WDR3: variants seen among roughly 807,000 people sequenced by gnomAD.
WDR3 encodes the protein WD repeat-containing protein 3.
In WDR3, 81 loss-of-function variants were observed where a neutral mutation model predicts 123.7. That is an observed-to-expected ratio of 0.65 (90% CI 0.55 to 0.79). The LOEUF (loss-of-function observed/expected upper bound fraction) is 0.79, where lower values mean the gene tolerates loss of function less well. Among genes scored for constraint, WDR3 ranks in the 30% least tolerant of loss-of-function variants. The pLI is 0.00. For missense variants in WDR3, 1,027 were observed against 1,123.2 expected (o/e 0.91, Z 1.22); for synonymous variants, 390 against 388.8 (o/e 1.00, Z -0.04).
chr1:117,931,611 A>G (rs532052972), intron 1 of WDR3, among the ~76,000 whole-genome samples: 2 of 152,308 alleles, frequency 1.3e-5, no homozygotes, highest in Admixed American at 1.3e-4. Flanking sequence ...AAAGGACTGG[A>G]AATAGACAGA....
At position 117,964,459 on chromosome 1, in the gene WDR3, G is replaced by GTT. The variant is rs1653554823; in HGVS notation, c.*5012_*5013insTT. ...TTGCATCTAATAACCTGTGTGGAGA[G>GTT]GGTAAGGGCACTTGATTTAGTTACC... is the stretch of plus-strand genomic sequence containing the variant. On this transcript the variant is annotated 3_prime_UTR_variant, in exon 27 of 27. Transcript: ENST00000349139. 2.0e-5 allele frequency: 3 copies of GTT among 152,056 alleles called. No individual in the cohort carries two copies. The South Asian group carries it at 6.2e-4, about 32-fold the overall frequency. The allele number at this position is 152,056 out of a possible 1,614,324, so 9.4% of individuals were successfully genotyped here.
In WDR3 at chr1:117,950,089, C is replaced by T. The variant is rs1571019896; in HGVS notation, c.1705C>T (p.Leu569=). The change falls in exon 15 of 27, where the codon CTG becomes TTG. Residue 569 remains leucine, a synonymous_variant. Transcript: ENST00000349139. ...TCAAAAGCTATTGGCTGTGTCTTTG[C>T]TGGACTGTACTGTGAAAATTTTCTA... The part of the protein sequence containing the change: ...PNQKLLAVSL[L]DCTVKIFYVD... 1.9e-6 allele frequency: 3 copies of T among 1,613,760 alleles called. No homozygotes were observed. In the East Asian group the frequency reaches 6.7e-5, roughly 36 times the overall value.
At chr1:117,948,577 T>A in intron 13 of WDR3, 71 bp downstream of exon 13, 2 of 1,125,500 alleles carry the variant, frequency 1.8e-6, no homozygotes, top group Non-Finnish European at 2.5e-6. Flanking sequence ...AGGGTTTCTT[T>A]AAAGAAAGCC....
chr1:117,959,255 G>T (rs1652677893), intron 26 of WDR3, 37 bp from the exon 27 acceptor site: 1 of 1,593,092 alleles, frequency 6.3e-7, no homozygotes, highest in Non-Finnish European at 8.5e-7. Context: ...ATTGAAGTGG[G>T]AGAAAATTTT....
Position 117,950,802 on chromosome 1 carries a change from AC to A in WDR3, c.1747-31del, listed in dbSNP as rs113348470. 2.1e-3 allele frequency: 3,264 copies of A among 1,565,496 alleles called. 62 individuals carry two copies. In the African/African-American group the frequency reaches 0.04, roughly 19 times the overall value. ...AATAAATTATACCCATATTTTATAG[AC>A]AGACATTAATTATGTTTTTTTGATG... On this transcript the variant is annotated intron_variant, in intron 15 of 26. Coordinates refer to ENST00000349139, the MANE Select transcript of WDR3 (RefSeq NM_006784.3).
At position 117,939,526 on chromosome 1, in the gene WDR3, C is replaced by T. The variant is rs34973445; in HGVS notation, c.629C>T (p.Ala210Val). ...GAAGAAAAGCGACTCATCACTGGGG[C>T]CTCAGACAGTGAACTGAGGGTATGG... Reference protein sequence around the residue: ...LSEEKRLITGASDSELRVWDI... With the variant: ...LSEEKRLITGVSDSELRVWDI... The change falls in exon 6 of 27, where the codon GCC (alanine) becomes GTC (valine). Residue 210 changes from alanine to valine, a missense_variant. Physicochemically the swap from Ala to Val is moderately conservative, Grantham distance 64 (BLOSUM62 0). Coordinates refer to ENST00000349139, the MANE Select transcript of WDR3 (RefSeq NM_006784.3). 0.075 allele frequency: 121,138 copies of T among 1,613,172 alleles called. 5,398 individuals are homozygous for T. The highest frequency in any genetic ancestry group is 0.087 in the Non-Finnish European group (103,182 of 1,179,288).
In WDR3 at chr1:117,966,390, A is replaced by C. The variant is rs1653850518; in HGVS notation, c.*6943A>C. 2.5e-6 allele frequency: 1 copy of C among 395,738 alleles called. No homozygotes were observed. Among genetic ancestry groups the C allele is most frequent in the Non-Finnish European group, 4.4e-6 (1 of 225,064 alleles). The allele number at this position is 395,738 out of a possible 1,614,324, so 24.5% of individuals were successfully genotyped here. On this transcript the variant is annotated 3_prime_UTR_variant, in exon 27 of 27. Transcript: ENST00000349139. ...TAGCCAATAACATTTACATTTATTCAATCTGAAGTTACTGCACATATACTA... is the reference window on the plus strand; with the variant it reads ...TAGCCAATAACATTTACATTTATTCCATCTGAAGTTACTGCACATATACTA...
chr1:117,963,539 A>G lies in WDR3; in HGVS notation c.*4092A>G. 2 of 194,196 alleles carry G rather than the reference A, an allele frequency of 1.0e-5. No homozygotes were observed. Among genetic ancestry groups the G allele is most frequent in the Non-Finnish European group, 2.1e-5 (2 of 93,216 alleles). The allele number at this position is 194,196 out of a possible 1,614,324, so 12.0% of individuals were successfully genotyped here. On this transcript the variant is annotated 3_prime_UTR_variant, in exon 27 of 27. Transcript: ENST00000349139. ...CCACCACACTTGGCTGATTTTTTCT[A>G]TTGTTTAGTAGAGACGGGGTTTCAC...
intron 1 of WDR3, among the ~76,000 whole-genome samples, chr1:117,931,161 T>C (rs553627875): frequency 6.6e-6 from 1 of 152,322 alleles, no homozygotes; most frequent in East Asian, 1.9e-4. Context: ...TCTGAAACTC[T>C]TGACTCCTAG....
chr1:117,956,567 C>T (rs1652227234), intron 24 of WDR3, among the ~76,000 whole-genome samples: 1 of 152,124 alleles, frequency 6.6e-6, no homozygotes, highest in Admixed American at 6.5e-5. Flanking sequence ...GGTTTGTAAT[C>T]CCATTTGATA....
At chr1:117,953,600 A>T in intron 21 of WDR3, 59 bp downstream of exon 21, 1 of 1,571,040 alleles carries the variant, frequency 6.4e-7, no homozygotes, top group Admixed American at 1.8e-5. Context: ...TTTTTAGTAA[A>T]AGTTTTATTC....
chr1:117,955,120 C>T, intron 23 of WDR3, 195 bp from the exon 24 acceptor site: 2 of 473,372 alleles, frequency 4.2e-6, no homozygotes, highest in Non-Finnish European at 3.7e-6. Flanking sequence ...TGACTTGTAG[C>T]ATAGTTGGTA....
At position 117,963,740 on chromosome 1, in the gene WDR3, G is replaced by T. The variant is rs1405741424; in HGVS notation, c.*4293G>T. On this transcript the variant is annotated 3_prime_UTR_variant, in exon 27 of 27. Transcript: ENST00000349139. ...ATAAGAAGAGGGGAAGAAACCTGGG[G>T]TCTAATACCTCAAATTTGAATGCTT... The T allele has an allele frequency of 2.0e-6, 3 of 1,503,800 alleles. No homozygotes were observed. Among genetic ancestry groups the T allele is most frequent in the Non-Finnish European group, 2.7e-6 (3 of 1,098,652 alleles). 93.2% of individuals were successfully genotyped at this position (1,503,800 alleles called of 1,614,324 possible).
chr1:117,948,569 G>T (rs1180207385), intron 13 of WDR3, 63 bp downstream of exon 13: 1 of 1,275,780 alleles, frequency 7.8e-7, no homozygotes, highest in African/African-American at 1.5e-5. Flanking sequence ...TTTCTCTCAG[G>T]GTTTCTTTAA....
At chr1:117,938,322 T>G (rs1651013330) in intron 4 of WDR3, among the ~76,000 whole-genome samples, 158 bp from the exon 5 acceptor site, 2 of 152,236 alleles carry the variant, frequency 1.3e-5, no homozygotes, top group African/African-American at 4.8e-5. Flanking sequence ...AAAGTTAGGA[T>G]TCTTTGCTTT....
Position 117,954,015 on chromosome 1 carries a change from G to A in WDR3, c.2277G>A (p.Arg759=), listed in dbSNP as rs1221688107. Reference sequence around the variant, plus strand: ...TTTCTCATCCTCTGTAGGCTGAGAGGATTATGGAGGCTATTGAGTTGTACC... The same window carrying A: ...TTTCTCATCCTCTGTAGGCTGAGAGAATTATGGAGGCTATTGAGTTGTACC... ...KTIETVKAAE[R]IMEAIELYRE... is the part of the protein sequence containing the mutation. The change falls in exon 22 of 27, where the codon AGG becomes AGA. Residue 759 remains arginine (R), a synonymous_variant. Coordinates refer to ENST00000349139, the MANE Select transcript of WDR3 (RefSeq NM_006784.3). The A allele has an allele frequency of 6.2e-7, 1 of 1,611,262 alleles. No individual in the cohort carries two copies. Among genetic ancestry groups the A allele is most frequent in the East Asian group, 2.2e-5 (1 of 44,846 alleles).
chr1:117,955,165 T>C (rs767848747), intron 23 of WDR3, 150 bp from the exon 24 acceptor site: 7 of 582,254 alleles, frequency 1.2e-5, no homozygotes, highest in South Asian at 2.8e-5. Context: ...CAGATCTGAC[T>C]GACTCTAAAC....
At chr1:117,951,845 T>A (rs972396605) in intron 16 of WDR3, 131 bp from the exon 17 acceptor site, 1 of 796,400 alleles carries the variant, frequency 1.3e-6, no homozygotes, top group African/African-American at 1.7e-5. Flanking sequence ...GTGTTTTTAG[T>A]AGAGATGAAA....
At chr1:117,956,265 G>A (rs536927765) in intron 24 of WDR3, among the ~76,000 whole-genome samples, 15 of 152,202 alleles carry the variant, frequency 9.9e-5, no homozygotes, top group Non-Finnish European at 1.9e-4. Flanking sequence ...TTTGAGACCA[G>A]CCTGGGCACC....
Sources: allele counts gnomAD v4.1 joint callset (sites outside exome capture counted in the v4.1 genomes callset), GRCh38; gene constraint gnomAD v4.1.1; transcripts MANE v1.5; gene names NCBI Gene and HGNC (gene_info 2026-07-23, HGNC 2026-07-21).